CSGALNACT2: variants seen among roughly 807,000 people sequenced by gnomAD.
CSGALNACT2 encodes beta 4 GalNAcT-2.
CSGALNACT2 carries 35 observed loss-of-function variants against 55.3 expected under a neutral mutation model. The ratio of observed to expected loss-of-function variants is 0.63; its 90% CI spans 0.48 to 0.84. The LOEUF is 0.84. CSGALNACT2 is among the 40% of genes least tolerant of loss of function. The pLI is 0.00. For synonymous variants in CSGALNACT2, 196 were observed against 224.9 expected, an observed-to-expected ratio of 0.87 and a Z score of 1.15; for missense variants, 544 against 657.5, an observed-to-expected ratio of 0.83 and a Z score of 1.89.
At chr10:43,160,447 G>C (rs1369809552) in intron 3 of CSGALNACT2, 47 bp from the exon 4 acceptor site, 2 of 939,514 alleles carry the variant, frequency 2.1e-6, no homozygotes, top group East Asian at 2.4e-5. Flanking sequence ...TTAATGAATA[G>C]TGCCTCATGT....
intron 7 of CSGALNACT2, among the ~76,000 whole-genome samples, chr10:43,181,335 G>A (rs1734344325): frequency 6.6e-6 from 1 of 152,206 alleles, no homozygotes; most frequent in Non-Finnish European, 1.5e-5. Flanking sequence ...TCACTTCTCT[G>A]TGAGAGACCT....
intron 5 of CSGALNACT2, among the ~76,000 whole-genome samples, chr10:43,164,876 G>C (rs1264722675): frequency 6.6e-6 from 1 of 151,474 alleles, no homozygotes; most frequent in East Asian, 1.9e-4. Context: ...ATGAGAAGAT[G>C]ACATTTTTTG....
At chr10:43,161,432 T>G (rs1167081963) in intron 4 of CSGALNACT2, among the ~76,000 whole-genome samples, 5 of 152,268 alleles carry the variant, frequency 3.3e-5, no homozygotes, top group Admixed American at 2.6e-4. Context: ...TCTTTACCTT[T>G]CTGCCAGTTG....
intron 1 of CSGALNACT2, among the ~76,000 whole-genome samples, chr10:43,140,059 TGGCG>T (rs1307352438): frequency 6.6e-6 from 1 of 152,090 alleles, no homozygotes; most frequent in Admixed American, 6.5e-5. Flanking sequence ...CCAGGCGTGG[TGGCG>T]GGCGCCTGTA....
At chr10:43,179,142 G>A (rs1482534662) in intron 7 of CSGALNACT2, among the ~76,000 whole-genome samples, 2 of 151,574 alleles carry the variant, frequency 1.3e-5, no homozygotes, top group African/African-American at 4.8e-5. Context: ...TTCCTTAAGT[G>A]TGACTTCTTT....
intron 1 of CSGALNACT2, among the ~76,000 whole-genome samples, chr10:43,146,417 C>T (rs776928713): frequency 7.9e-5 from 12 of 152,228 alleles, no homozygotes; most frequent in South Asian, 2.1e-4. Context: ...TCTACCCCCG[C>T]TGGCAGCTGA....
At chr10:43,168,081 T>C (rs867374466) in intron 6 of CSGALNACT2, among the ~76,000 whole-genome samples, 1 of 152,210 alleles carries the variant, frequency 6.6e-6, no homozygotes, top group African/African-American at 2.4e-5. Context: ...GTTTTCTAAA[T>C]TATAAATAAA....
Position 43,184,446 on chromosome 10 carries a change from C to T in CSGALNACT2, c.*904C>T, listed in dbSNP as rs1839653826. On this transcript the variant is annotated 3_prime_UTR_variant, in exon 8 of 8. Transcript: ENST00000374466. Reference sequence around the variant, plus strand: ...TTTTGCTTTCAATTTTCTAATTTGGCATGGATCCATATGTATTTACTATCC... The same window carrying T: ...TTTTGCTTTCAATTTTCTAATTTGGTATGGATCCATATGTATTTACTATCC... The T allele has an allele frequency of 6.6e-6, 1 of 152,090 alleles. No homozygotes were observed. The highest frequency in any genetic ancestry group is 2.4e-5 in the African/African-American group (1 of 41,406). The allele number at this position is 152,090 out of a possible 1,614,324, so 9.4% of individuals were successfully genotyped here. A position where few individuals can be genotyped will look rare whatever the true frequency, so the allele number is the denominator to read the frequency against.
At chr10:43,163,294 A>G (rs1839191635) in intron 4 of CSGALNACT2, 2 of 861,082 alleles carry the variant, frequency 2.3e-6, no homozygotes, top group Non-Finnish European at 2.8e-6. Context: ...ATCAGGGGAC[A>G]CTGCATCCAT....
At chr10:43,151,311 GGCTTGTTGT>G (rs1250204237) in intron 1 of CSGALNACT2, among the ~76,000 whole-genome samples, 1 of 152,066 alleles carries the variant, frequency 6.6e-6, no homozygotes, top group Admixed American at 6.6e-5. Flanking sequence ...ATATTCTTAA[GGCTTGTTGT>G]GCTATTACTT....
chr10:43,166,878 C>A (rs1839275855), intron 5 of CSGALNACT2, 126 bp from the exon 6 acceptor site: 1 of 552,612 alleles, frequency 1.8e-6, no homozygotes, highest in Admixed American at 3.4e-5. Context: ...TGTTCTGTAG[C>A]CTGAATATTA....
intron 6 of CSGALNACT2, among the ~76,000 whole-genome samples, chr10:43,169,402 A>G (rs1321978028): frequency 1.3e-5 from 2 of 152,196 alleles, no homozygotes; most frequent in Non-Finnish European, 2.9e-5. Flanking sequence ...ATTTTAAAAT[A>G]TATCTTTGAG....
intron 1 of CSGALNACT2, among the ~76,000 whole-genome samples, chr10:43,146,306 G>A (rs999144065): frequency 6.6e-6 from 1 of 152,174 alleles, no homozygotes; most frequent in Non-Finnish European, 1.5e-5. Flanking sequence ...TAAAGAACTT[G>A]GAGTCTGATG....
chr10:43,166,999 TG>T lies in CSGALNACT2; in HGVS notation c.1160-4del, dbSNP rs1313980080. ...TATGTTACAAACCTATATTTTAATT[TG>T]TAGGTAAGAAGGTGTTTTACCCTGT... On this transcript the variant is annotated splice_polypyrimidine_tract_variant and splice_region_variant and intron_variant, in intron 5 of 7. Transcript: ENST00000374466. The T allele has an allele frequency of 6.4e-7, 1 of 1,574,586 alleles. No individual in the cohort carries two copies. Among genetic ancestry groups the T allele is most frequent in the Non-Finnish European group, 8.7e-7 (1 of 1,147,518 alleles).
intron 1 of CSGALNACT2, among the ~76,000 whole-genome samples, chr10:43,153,236 G>A (rs1838917234): frequency 6.8e-6 from 1 of 147,802 alleles, no homozygotes; most frequent in African/African-American, 2.5e-5. Flanking sequence ...TCGGGAGGCT[G>A]AGGCAGGAGA....
chr10:43,155,708 G>A lies in CSGALNACT2; in HGVS notation c.559G>A (p.Gly187Ser). 1 of 1,614,174 alleles carries A rather than the reference G, an allele frequency of 6.2e-7. No homozygotes were observed. Among genetic ancestry groups the A allele is most frequent in the Non-Finnish European group, 8.5e-7 (1 of 1,180,034 alleles). The change falls in exon 2 of 8, where the codon GGC becomes AGC. Residue 187 changes from glycine (G) to serine (S), a missense_variant. Gly to Ser is a moderately conservative substitution (Grantham distance 56). Coordinates refer to ENST00000374466, the MANE Select transcript of CSGALNACT2 (RefSeq NM_018590.5). The stretch of plus-strand genomic sequence containing the variant: ...TGAATTGGTGGAAGTTATTGAAGCG[G>A]GCTTGGAGGTCATTAATAATCCTGA... ...RDELVEVIEA[G>S]LEVINNPDED...
intron 7 of CSGALNACT2, among the ~76,000 whole-genome samples, chr10:43,180,935 G>A (rs1208256710): frequency 1.3e-5 from 2 of 152,194 alleles, no homozygotes; most frequent in Admixed American, 1.3e-4. Context: ...ACCCCAGCAG[G>A]TTAGGCTCTG....
At chr10:43,152,359 G>A (rs1042579659) in intron 1 of CSGALNACT2, among the ~76,000 whole-genome samples, 12 of 151,972 alleles carry the variant, frequency 7.9e-5, no homozygotes, top group African/African-American at 2.4e-5. Context: ...AGTTTCTTTC[G>A]GGAACTAGGC....
At chr10:43,183,125 C>T (rs1437894282) in intron 7 of CSGALNACT2, 125 bp from the exon 8 acceptor site, 2 of 741,664 alleles carry the variant, frequency 2.7e-6, no homozygotes, top group Non-Finnish European at 4.6e-6. Flanking sequence ...TGCCAGGTGT[C>T]TCGTGCTACC....
Sources: allele counts gnomAD v4.1 joint callset (sites outside exome capture counted in the v4.1 genomes callset), GRCh38; gene constraint gnomAD v4.1.1; transcripts MANE v1.5; gene names NCBI Gene and HGNC (gene_info 2026-07-23, HGNC 2026-07-21).